Variants in ITGBL1 observed in about 807,000 individuals in gnomAD.
ITGBL1 encodes the protein integrin subunit beta like 1.
ITGBL1 carries 51 observed loss-of-function variants against 68.5 expected under a neutral mutation model. The observed-to-expected ratio is 0.74, with a 90% CI of 0.59 to 0.94. The LOEUF (loss-of-function observed/expected upper bound fraction) is 0.94. Ranked by LOEUF, ITGBL1 falls within the 40% of genes least tolerant of loss-of-function variation. ITGBL1 has a pLI of 0.00. For missense variants in ITGBL1, 649 were observed against 647.4 expected (o/e 1.00, Z -0.03); for synonymous variants, 209 against 227.3 (o/e 0.92, Z 0.72).
At chr13:101,581,476 T>C (rs2050456905) in intron 5 of ITGBL1, among the ~76,000 whole-genome samples, 1 of 152,220 alleles carries the variant, frequency 6.6e-6, no homozygotes, top group African/African-American at 2.4e-5. Flanking sequence ...AAAATTCATT[T>C]TTATGGCTGC....
chr13:101,589,547 T>C (rs1213920213), intron 6 of ITGBL1, among the ~76,000 whole-genome samples: 1 of 152,218 alleles, frequency 6.6e-6, no homozygotes, highest in Non-Finnish European at 1.5e-5. Flanking sequence ...ATAGAAGACA[T>C]ATCAGTGGAT....
chr13:101,685,861 G>T (rs1021046953), intron 7 of ITGBL1, among the ~76,000 whole-genome samples: 1 of 151,840 alleles, frequency 6.6e-6, no homozygotes, highest in Admixed American at 6.6e-5. Context: ...AGCCTAAGAA[G>T]AATTCGTAAT....
intron 7 of ITGBL1, among the ~76,000 whole-genome samples, chr13:101,653,121 G>A (rs1391835964): frequency 2.7e-5 from 4 of 148,474 alleles, no homozygotes; most frequent in Non-Finnish European, 4.5e-5. Flanking sequence ...AAAGAAGGAA[G>A]GAAGGAAGGA....
chr13:101,561,479 T>C (rs1299245245), intron 2 of ITGBL1, among the ~76,000 whole-genome samples: 1 of 152,114 alleles, frequency 6.6e-6, no homozygotes, highest in East Asian at 1.9e-4. Flanking sequence ...GGAACATAAA[T>C]AAATGAAAGC....
At chr13:101,541,832 T>C (rs1435418338) in intron 2 of ITGBL1, among the ~76,000 whole-genome samples, 5 of 152,208 alleles carry the variant, frequency 3.3e-5, no homozygotes, top group Admixed American at 6.5e-5. Context: ...GATTTTCTAG[T>C]ATATTTGTGT....
intron 9 of ITGBL1, chr13:101,713,750 T>A (rs1476790746): frequency 2.0e-5 from 3 of 152,112 alleles, no homozygotes; most frequent in Non-Finnish European, 2.9e-5. Context: ...AAAGAGGAAG[T>A]TTTTTAGTTA....
chr13:101,605,794 A>AAGTG (rs2030787681), intron 7 of ITGBL1, among the ~76,000 whole-genome samples: 1 of 150,588 alleles, frequency 6.6e-6, no homozygotes, highest in Admixed American at 6.7e-5. Context: ...ATGTGCGTAT[A>AAGTG]TGTACTCGTG....
At chr13:101,688,620 T>C (rs1432125653) in intron 7 of ITGBL1, among the ~76,000 whole-genome samples, 1 of 152,166 alleles carries the variant, frequency 6.6e-6, no homozygotes, top group African/African-American at 2.4e-5. Flanking sequence ...CAATCATATG[T>C]ATGTTTTTAA....
At chr13:101,637,556 A>G (rs1436357368) in intron 7 of ITGBL1, among the ~76,000 whole-genome samples, 3 of 151,970 alleles carry the variant, frequency 2.0e-5, no homozygotes, top group Admixed American at 6.6e-5. Context: ...TGTTAGTCAG[A>G]AAGGTCTCGA....
intron 7 of ITGBL1, among the ~76,000 whole-genome samples, chr13:101,617,802 G>A (rs1413436755): frequency 1.3e-5 from 2 of 152,092 alleles, no homozygotes; most frequent in African/African-American, 4.8e-5. Context: ...GAATGTGTGG[G>A]ATATGGCTAA....
chr13:101,652,868 C>T (rs367905394), intron 7 of ITGBL1, among the ~76,000 whole-genome samples: 3 of 151,946 alleles, frequency 2.0e-5, no homozygotes, highest in East Asian at 1.9e-4. Flanking sequence ...GAGGCCGAGG[C>T]GGGCAGATCA....
intron 6 of ITGBL1, among the ~76,000 whole-genome samples, chr13:101,589,967 G>A (rs2050623441): frequency 6.6e-6 from 1 of 152,102 alleles, no homozygotes; most frequent in Admixed American, 6.6e-5. Flanking sequence ...AAATAAAGCT[G>A]CAATAATAGA....
chr13:101,582,492 C>T (rs576411484), intron 5 of ITGBL1, among the ~76,000 whole-genome samples: 8 of 152,256 alleles, frequency 5.3e-5, no homozygotes, highest in Non-Finnish European at 1.2e-4. Flanking sequence ...ACAGAGTAAA[C>T]ATGATGTACA....
chr13:101,696,831 CAATT>C (rs996019841), intron 8 of ITGBL1, among the ~76,000 whole-genome samples: 2 of 152,008 alleles, frequency 1.3e-5, no homozygotes, highest in African/African-American at 4.8e-5. Flanking sequence ...AAAGGATTCA[CAATT>C]AAGGAGAATG....
chr13:101,590,711 G>T lies in ITGBL1; in HGVS notation c.868+7355G>T, dbSNP rs982099288. ...GTTTCCTCACAACAGATCTGTCGCT[G>T]AAATAAAACCACTTGTCTCCAAGAA... is the stretch of plus-strand genomic sequence containing the variant. On this transcript the variant is annotated intron_variant, in intron 6 of 10. Coordinates refer to ENST00000376180, the MANE Select transcript of ITGBL1 (RefSeq NM_004791.3). Among the ~76,000 whole-genome samples, 10 of 152,190 alleles carry T rather than the reference G, an allele frequency of 6.6e-5. No individual in the cohort carries two copies. The South Asian group carries it at 2.1e-3, about 32-fold the overall frequency.
intron 2 of ITGBL1, among the ~76,000 whole-genome samples, chr13:101,522,423 A>C (rs1021028766): frequency 2.6e-5 from 4 of 152,102 alleles, no homozygotes; most frequent in African/African-American, 9.7e-5. Flanking sequence ...GATTTCTGTT[A>C]TTCTTAACAC....
chr13:101,658,933 ATGG>A (rs2033006079), intron 7 of ITGBL1, among the ~76,000 whole-genome samples: 1 of 151,776 alleles, frequency 6.6e-6, no homozygotes, highest in African/African-American at 2.4e-5. Flanking sequence ...CTTTGACACC[ATGG>A]TGTACATTTT....
intron 2 of ITGBL1, among the ~76,000 whole-genome samples, chr13:101,461,513 G>A (rs1217789077): frequency 6.6e-6 from 1 of 152,068 alleles, no homozygotes; most frequent in Non-Finnish European, 1.5e-5. Flanking sequence ...GGGCAGCATA[G>A]CGAGACCTGC....
chr13:101,583,786 A>G (rs900383295), intron 6 of ITGBL1, among the ~76,000 whole-genome samples: 1 of 152,230 alleles, frequency 6.6e-6, no homozygotes, highest in Non-Finnish European at 1.5e-5. Context: ...AGCATCTTAT[A>G]TTTGCAGTGC....
Sources: allele counts gnomAD v4.1 joint callset (sites outside exome capture counted in the v4.1 genomes callset), GRCh38; gene constraint gnomAD v4.1.1; transcripts MANE v1.5; gene names NCBI Gene and HGNC (gene_info 2026-07-23, HGNC 2026-07-21).